The following GPX8 variants were observed in gnomAD, a reference collection of about 807,000 sequenced individuals.
The protein encoded by GPX8 is glutathione peroxidase 8 (putative).
Under a neutral mutation model 17.8 loss-of-function variants are expected in GPX8, and 12 were observed. The ratio of observed to expected loss-of-function variants is 0.67; its 90% CI spans 0.43 to 1.09. The LOEUF is 1.09. GPX8 is among the 50% of genes least tolerant of loss of function. The pLI is 0.00. For synonymous variants in GPX8, 86 were observed against 88.1 expected (o/e 0.98, Z 0.14); for missense variants, 209 against 235.6 (o/e 0.89, Z 0.74).
intron 2 of GPX8, among the ~76,000 whole-genome samples, chr5:55,162,947 C>T (rs1231201258): frequency 6.6e-6 from 1 of 152,168 alleles, no homozygotes; most frequent in African/African-American, 2.4e-5. Context: ...CTGGCTCAAC[C>T]ACTCATTAGC....
chr5:55,162,356 C>T (rs879469677), intron 2 of GPX8, among the ~76,000 whole-genome samples: 2 of 152,204 alleles, frequency 1.3e-5, no homozygotes, highest in African/African-American at 2.4e-5. Context: ...AATCGCGCTA[C>T]TGCACTCCAG....
chr5:55,160,192 CATGGAG>C lies in GPX8; in HGVS notation c.1_6del (p.MetGlu1_?2), dbSNP rs1561301923. 2 of 1,612,720 alleles carry C rather than the reference CATGGAG, an allele frequency of 1.2e-6. No individual in the cohort carries two copies. The highest frequency in any genetic ancestry group is 3.3e-5 in the Admixed American group (2 of 60,008). ...GAGACTTCCCTCTAGAATCCTCCAA[CATGGAG>C]CCTCTTGCAGCTTACCCGCTAAAAT... On this transcript the variant is annotated start_lost and inframe_deletion, in exon 1 of 3. Transcript: ENST00000503787.
intron 2 of GPX8, 127 bp downstream of exon 2, chr5:55,161,382 G>A (rs1423365663): frequency 3.3e-6 from 3 of 903,660 alleles, no homozygotes; most frequent in Non-Finnish European, 5.0e-6. Context: ...TATCATCAAA[G>A]AGCCAGAATC....
chr5:55,161,027 C>T lies in GPX8; in HGVS notation c.238C>T (p.Gln80Ter). 6.2e-7 allele frequency: 1 copy of T among 1,613,872 alleles called. No individual in the cohort carries two copies. The highest frequency in any genetic ancestry group is 1.1e-5 in the South Asian group (1 of 90,992). The change falls in exon 2 of 3, where the codon CAA becomes TAA. Residue 80 changes from glutamine to a stop codon, truncating the protein, a stop_gained. Transcript: ENST00000503787. LOFTEE classifies it high-confidence loss of function. ...SLVVNVASDC[Q>*]LTDRNYLGLK... is the part of the protein sequence containing the mutation. The stretch of plus-strand genomic sequence containing the variant: ...AGTTGTAAACGTGGCCAGTGACTGC[C>T]AACTCACAGACAGAAATTACTTAGG...
chr5:55,164,165 G>A lies in GPX8; in HGVS notation c.577G>A (p.Asp193Asn). ...GGAGCCCATTGAAGTCATCAGGCCTGACATAGCAGCTCTGGTTAGACAAGT... is the reference window on the plus strand; with the variant it reads ...GGAGCCCATTGAAGTCATCAGGCCTAACATAGCAGCTCTGGTTAGACAAGT... ...PEEPIEVIRPDIAALVRQVII... is the reference protein window; with the variant it reads ...PEEPIEVIRPNIAALVRQVII... Residue 193 changes from aspartate (D) to asparagine (N), a missense_variant, in exon 3 of 3, where the codon GAC becomes AAC. Physicochemically the swap from Asp to Asn is conservative, Grantham distance 23. Transcript: ENST00000503787. 6.3e-7 allele frequency: 1 copy of A among 1,597,532 alleles called. No homozygotes were observed.
chr5:55,166,215 C>G lies in GPX8; in HGVS notation c.*1997C>G, dbSNP rs1744376952. ...CCACATGGGCAGCAGAGACTCCCCACTGCCAGATGGATGATAATGGAGCTG... is the reference window on the plus strand; with the variant it reads ...CCACATGGGCAGCAGAGACTCCCCAGTGCCAGATGGATGATAATGGAGCTG... On this transcript the variant is annotated 3_prime_UTR_variant, in exon 3 of 3. Transcript: ENST00000503787. 1 of 152,386 alleles carries G rather than the reference C, an allele frequency of 6.6e-6. No individual in the cohort carries two copies. The highest frequency in any genetic ancestry group is 1.5e-5 in the Non-Finnish European group (1 of 68,174). 9.4% of individuals were successfully genotyped at this position (152,386 alleles called of 1,614,324 possible).
At position 55,164,585 on chromosome 5, in the gene GPX8, C is replaced by T. The variant is rs967351370; in HGVS notation, c.*367C>T. On this transcript the variant is annotated 3_prime_UTR_variant, in exon 3 of 3. Coordinates refer to ENST00000503787, the MANE Select transcript of GPX8 (RefSeq NM_001008397.4). ...TGTGCCTCAATATCTTATTGTTCAA[C>T]TTGACATTTTCTAGGACTGTACTTG... The T allele has an allele frequency of 1.9e-5, 3 of 155,158 alleles. No individual in the cohort carries two copies. The highest frequency in any genetic ancestry group is 2.8e-5 in the Non-Finnish European group (2 of 70,180). 9.6% of individuals were successfully genotyped at this position (155,158 alleles called of 1,614,324 possible).
At chr5:55,162,388 G>A (rs1299696656) in intron 2 of GPX8, among the ~76,000 whole-genome samples, 2 of 152,114 alleles carry the variant, frequency 1.3e-5, no homozygotes, top group African/African-American at 2.4e-5. Context: ...GAGCAAGCCT[G>A]CATCTTAAAT....
chr5:55,163,476 T>C (rs1247013912), intron 2 of GPX8, among the ~76,000 whole-genome samples: 2 of 151,988 alleles, frequency 1.3e-5, no homozygotes, highest in Non-Finnish European at 2.9e-5. Flanking sequence ...ATCCCAGCAA[T>C]TTGGGATTAC....
Position 55,163,479 on chromosome 5 carries a change from G to A in GPX8, c.467-576G>A, listed in dbSNP as rs973972068. Among the ~76,000 whole-genome samples, 6 of 151,996 alleles carry A rather than the reference G, an allele frequency of 3.9e-5. No individual in the cohort carries two copies. The East Asian group carries it at 1.2e-3, about 29-fold the overall frequency. ...CACACACCTGTAATCCCAGCAATTT[G>A]GGATTACAACTTTGCTTCATTTTTT... On this transcript the variant is annotated intron_variant, in intron 2 of 2. Coordinates refer to ENST00000503787, the MANE Select transcript of GPX8 (RefSeq NM_001008397.4).
chr5:55,162,039 T>C (rs1744092790), intron 2 of GPX8, among the ~76,000 whole-genome samples: 1 of 143,796 alleles, frequency 7.0e-6, no homozygotes, highest in Admixed American at 7.3e-5. Flanking sequence ...AAAAATAAAG[T>C]ACTTATACAC....
rs1484101697 is a variant in GPX8, at chr5:55,161,067, A to C, written c.278A>C (p.His93Pro). 3 of 1,614,070 alleles carry C rather than the reference A, an allele frequency of 1.9e-6. No individual in the cohort carries two copies. The highest frequency in any genetic ancestry group is 1.1e-5 in the South Asian group (1 of 91,092). ...DRNYLGLKEL[H>P]KEFGPSHFSV... ...AATTACTTAGGGCTGAAGGAACTGC[A>C]CAAAGAGTTTGGACCATCCCACTTC... Residue 93 changes from histidine to proline, a missense_variant, in exon 2 of 3, where the codon CAC becomes CCC. His to Pro is a moderately conservative substitution (Grantham distance 77). Transcript: ENST00000503787.
At position 55,160,220 on chromosome 5, in the gene GPX8, A is replaced by C; in HGVS notation, c.28A>C (p.Lys10Gln). 6.2e-7 allele frequency: 1 copy of C among 1,614,088 alleles called. No individual in the cohort carries two copies. The highest frequency in any genetic ancestry group is 8.5e-7 in the Non-Finnish European group (1 of 1,179,970). Residue 10 changes from lysine to glutamine, a missense_variant, in exon 1 of 3, where the codon AAA (lysine) becomes CAA (glutamine). Coordinates refer to ENST00000503787, the MANE Select transcript of GPX8 (RefSeq NM_001008397.4). The part of the protein sequence containing the change: MEPLAAYPL[K>Q]CSGPRAKVFA... ...GGAGCCTCTTGCAGCTTACCCGCTAAAATGTTCCGGGCCCAGAGCAAAGGT... is the reference window on the plus strand; with the variant it reads ...GGAGCCTCTTGCAGCTTACCCGCTACAATGTTCCGGGCCCAGAGCAAAGGT...
Position 55,167,220 on chromosome 5 carries a change from A to C in GPX8, c.*3002A>C, listed in dbSNP as rs1019795625. On this transcript the variant is annotated 3_prime_UTR_variant, in exon 3 of 3. Coordinates refer to ENST00000503787, the MANE Select transcript of GPX8 (RefSeq NM_001008397.4). ...TTTGGTGCGTAGAGAAGAATACTTC[A>C]TACTAACTCCTGATCATCTTACAGC... is the stretch of plus-strand genomic sequence containing the variant. 12 of 152,232 alleles carry C rather than the reference A, an allele frequency of 7.9e-5. No individual in the cohort carries two copies. The highest frequency in any genetic ancestry group is 1.6e-4 in the Non-Finnish European group (11 of 68,046). 9.4% of individuals were successfully genotyped at this position (152,232 alleles called of 1,614,324 possible). A position where few individuals can be genotyped will look rare whatever the true frequency, so the allele number is the denominator to read the frequency against.
chr5:55,163,121 T>C (rs1483616649), intron 2 of GPX8, among the ~76,000 whole-genome samples: 2 of 152,200 alleles, frequency 1.3e-5, no homozygotes, highest in African/African-American at 2.4e-5. Context: ...ATTTTAGTTA[T>C]AATTATTATA....
chr5:55,161,822 A>G (rs1384378393), intron 2 of GPX8, among the ~76,000 whole-genome samples: 1 of 152,200 alleles, frequency 6.6e-6, no homozygotes, highest in African/African-American at 2.4e-5. Context: ...AAATCTGTTT[A>G]AAGACTTGCC....
rs1432060594 is a variant in GPX8 at position 55,161,220 on chromosome 5, G to T, written c.431G>T (p.Gly144Val). The T allele has an allele frequency of 2.5e-6, 4 of 1,613,944 alleles. No individual in the cohort carries two copies. Among genetic ancestry groups the T allele is most frequent in the Non-Finnish European group, 3.4e-6 (4 of 1,179,956 alleles). ...ATCTTCCACAAGATTAAGATTCTAG[G>T]ATCTGAAGGAGAACCTGCATTTAGA... The part of the protein sequence containing the change: ...FPIFHKIKIL[G>V]SEGEPAFRFL... The change falls in exon 2 of 3, where the codon GGA becomes GTA. Residue 144 changes from glycine (G) to valine (V), a missense_variant. By Grantham distance (109) the Gly-to-Val change is moderately radical. Coordinates refer to ENST00000503787, the MANE Select transcript of GPX8 (RefSeq NM_001008397.4).
At chr5:55,163,909 T>G in intron 2 of GPX8, 146 bp from the exon 3 acceptor site, 2 of 520,348 alleles carry the variant, frequency 3.8e-6, no homozygotes, top group Non-Finnish European at 6.3e-6. Flanking sequence ...ACCTTGAGTT[T>G]CACTTCGTTT....
chr5:55,160,772 C>A (rs1391560395), intron 1 of GPX8: 3 of 501,370 alleles, frequency 6.0e-6, no homozygotes, highest in African/African-American at 4.0e-5. Flanking sequence ...AATAAACTTT[C>A]ATGAGTATCT....
Sources: allele counts gnomAD v4.1 joint callset (sites outside exome capture counted in the v4.1 genomes callset), GRCh38; gene constraint gnomAD v4.1.1; transcripts MANE v1.5; gene names NCBI Gene and HGNC (gene_info 2026-07-23, HGNC 2026-07-21).